The following CACNA1S variants were observed in gnomAD, a reference collection of about 807,000 sequenced individuals.
CACNA1S encodes voltage-dependent L-type calcium channel subunit alpha-1S.
A neutral mutation model predicts 207.4 loss-of-function variants in CACNA1S; 126 were observed. The ratio of observed to expected loss-of-function variants is 0.61; its 90% CI spans 0.53 to 0.70. CACNA1S has a LOEUF of 0.70. Among genes scored for constraint, CACNA1S ranks in the 30% least tolerant of loss-of-function variants. CACNA1S has a pLI of 0.00. For synonymous variants in CACNA1S, 960 were observed against 932.7 expected (o/e 1.03, Z -0.53); for missense variants, 2,349 against 2,422.8 (o/e 0.97, Z 0.64).
At chr1:201,084,421 G>A (rs376996126) in intron 9 of CACNA1S, among the ~76,000 whole-genome samples, 3 of 152,164 alleles carry the variant, frequency 2.0e-5, no homozygotes, top group African/African-American at 7.2e-5. Context: ...TTGATGTATA[G>A]CTCTATTGTT....
rs1445858175 is a variant in CACNA1S, at chr1:201,050,526, A to C, written c.4114-10T>G. 6.8e-6 allele frequency: 11 copies of C among 1,613,794 alleles called. No homozygotes were observed. The highest frequency in any genetic ancestry group is 1.3e-5 in the African/African-American group (1 of 74,890). On this transcript the variant is annotated splice_polypyrimidine_tract_variant and intron_variant, in intron 33 of 43. Coordinates refer to ENST00000362061, the MANE Select transcript of CACNA1S (RefSeq NM_000069.3). ...CAAAGAGGTTGATGACCTGCAAGAG[A>C]AGAACCAAGGGGTCCCAACACAGAA...
chr1:201,077,412 G>C (rs1661669595), intron 11 of CACNA1S, among the ~76,000 whole-genome samples: 1 of 152,214 alleles, frequency 6.6e-6, no homozygotes, highest in African/African-American at 2.4e-5. Context: ...TTTCTCCTGT[G>C]CACCCTCGAT....
At chr1:201,042,360 A>C (rs1660279634) in intron 40 of CACNA1S, among the ~76,000 whole-genome samples, 1 of 151,642 alleles carries the variant, frequency 6.6e-6, no homozygotes, top group Non-Finnish European at 1.5e-5. Flanking sequence ...CAGGTCTCGA[A>C]CTCCTGACCT....
At chr1:201,089,775 C>A (rs952848128) in intron 5 of CACNA1S, among the ~76,000 whole-genome samples, 2 of 152,226 alleles carry the variant, frequency 1.3e-5, no homozygotes, top group African/African-American at 4.8e-5. Context: ...TTTGTCCCCA[C>A]AGAACTTTAA....
At chr1:201,077,674 A>G (rs1404908069) in intron 11 of CACNA1S, among the ~76,000 whole-genome samples, 2 of 152,230 alleles carry the variant, frequency 1.3e-5, no homozygotes, top group Non-Finnish European at 2.9e-5. Flanking sequence ...ATGGTAAGAA[A>G]AAAAACAGAG....
rs1553248947 is a variant in CACNA1S at position 201,051,058 on chromosome 1, CT to C, written c.4038del (p.Glu1348ArgfsTer76). The C allele has an allele frequency of 1.2e-6, 2 of 1,614,192 alleles. No homozygotes were observed. The highest frequency in any genetic ancestry group is 1.7e-5 in the Admixed American group (1 of 60,034). ...KLCDPESDYAPGEEYTCGTNF... is the reference protein window; with the variant it reads ...KLCDPESDYAXGEEYTCGTNF... ...TTGGTGCCACATGTGTACTCCTCCC[CT>C]GGGGCATAGTCCGACTCTGGGTCAC... On this transcript the variant is annotated frameshift_variant, in exon 33 of 44. Coordinates refer to ENST00000362061, the MANE Select transcript of CACNA1S (RefSeq NM_000069.3). LOFTEE classifies it high-confidence loss of function.
intron 2 of CACNA1S, among the ~76,000 whole-genome samples, chr1:201,095,420 A>G (rs908900840): frequency 3.9e-5 from 6 of 152,084 alleles, no homozygotes; most frequent in African/African-American, 1.4e-4. Context: ...TGGGCACTCC[A>G]TTAATGATAT....
chr1:201,059,966 C>T (rs1303708209), intron 26 of CACNA1S, among the ~76,000 whole-genome samples: 7 of 152,228 alleles, frequency 4.6e-5, no homozygotes, highest in South Asian at 2.1e-4. Flanking sequence ...ATGGCTGCCT[C>T]CACCCTGCCC....
At chr1:201,073,127 G>A (rs181612950) in intron 15 of CACNA1S, among the ~76,000 whole-genome samples, 6 of 152,290 alleles carry the variant, frequency 3.9e-5, no homozygotes, top group East Asian at 1.9e-4. Flanking sequence ...CCAGGACCTC[G>A]AGCCTCTCTG....
chr1:201,072,071 A>AAGGACCC lies in CACNA1S; in HGVS notation c.2227+677_2227+683dup, dbSNP rs1182423847. On this transcript the variant is annotated intron_variant, in intron 16 of 43. Coordinates refer to ENST00000362061, the MANE Select transcript of CACNA1S (RefSeq NM_000069.3). ...ATTGCCCCACTGACCCGGTGATCCG[A>AAGGACCC]AGGACCCAGGACCCAGAGAGTTCTT... is the stretch of plus-strand genomic sequence containing the variant. 2.6e-5 allele frequency among the ~76,000 whole-genome samples: 4 copies of AAGGACCC among 152,282 alleles called. No homozygotes were observed. In the South Asian group the frequency reaches 6.2e-4, roughly 24 times the overall value.
chr1:201,083,345 G>T lies in CACNA1S; in HGVS notation c.1233-23C>A, dbSNP rs1002988004. On this transcript the variant is annotated intron_variant, in intron 9 of 43. Transcript: ENST00000362061. The stretch of plus-strand genomic sequence containing the variant: ...CGGCTGAGGGAGGGGACAGAGGATG[G>T]TCTACAGTGCTGTGCTGTTCTACGC... The T allele has an allele frequency of 3.1e-6, 5 of 1,613,676 alleles. No homozygotes were observed. The South Asian group carries it at 5.5e-5, about 18-fold the overall frequency.
At chr1:201,091,279 C>T (rs1662218021) in intron 5 of CACNA1S, among the ~76,000 whole-genome samples, 1 of 152,182 alleles carries the variant, frequency 6.6e-6, no homozygotes, top group African/African-American at 2.4e-5. Flanking sequence ...TCAGCTCAGA[C>T]TAAAGCTAAA....
intron 8 of CACNA1S, among the ~76,000 whole-genome samples, 200 bp from the exon 9 acceptor site, chr1:201,085,231 G>T (rs899783476): frequency 6.6e-6 from 1 of 152,194 alleles, no homozygotes; most frequent in Non-Finnish European, 1.5e-5. Flanking sequence ...CAGGGGAGGC[G>T]CTATGAGGAT....
At chr1:201,095,956 G>C (rs1662410771) in intron 2 of CACNA1S, among the ~76,000 whole-genome samples, 1 of 152,354 alleles carries the variant, frequency 6.6e-6, no homozygotes, top group Admixed American at 6.5e-5. Context: ...AAGTGTAAGG[G>C]AGGAGAGTGA....
intron 38 of CACNA1S, among the ~76,000 whole-genome samples, chr1:201,045,550 CA>C (rs1300929992): frequency 6.6e-6 from 1 of 151,928 alleles, no homozygotes; most frequent in Non-Finnish European, 1.5e-5. Context: ...GTCTGGCCAG[CA>C]TAGCGAAACC....
chr1:201,066,231 T>C lies in CACNA1S; in HGVS notation c.2743A>G (p.Lys915Glu). 6.2e-7 allele frequency: 1 copy of C among 1,613,812 alleles called. No homozygotes were observed. The highest frequency in any genetic ancestry group is 1.7e-5 in the Admixed American group (1 of 60,016). The change falls in exon 21 of 44, where the codon AAG (lysine) becomes GAG (glutamate). Residue 915 changes from lysine (K) to glutamate (E), a missense_variant and splice_region_variant. Physicochemically the swap from Lys to Glu is moderately conservative, Grantham distance 56. Transcript: ENST00000362061. This position sits in a 1 kb window ranked among gnomAD's most constrained non-coding sequence, Gnocchi z 4.3. ...LRAINRAKGL[K>E]HVVQCMFVAI... is the part of the protein sequence containing the mutation. Reference sequence around the variant, plus strand: ...CTCCTGCCCGGGCCCTCTCTCACCTTCAACCCCTTGGCTCTGTTGATGGCT... The same window carrying C: ...CTCCTGCCCGGGCCCTCTCTCACCTCCAACCCCTTGGCTCTGTTGATGGCT...
chr1:201,081,485 A>C (rs1661838189), intron 10 of CACNA1S, among the ~76,000 whole-genome samples: 1 of 152,236 alleles, frequency 6.6e-6, no homozygotes, highest in African/African-American at 2.4e-5. Flanking sequence ...AACATCTACC[A>C]TGTGGACGAG....
chr1:201,074,356 A>T, intron 14 of CACNA1S, 150 bp downstream of exon 14: 1 of 691,748 alleles, frequency 1.4e-6, no homozygotes, highest in Non-Finnish European at 2.7e-6. Context: ...AGCCACCCCC[A>T]TGTGCAGGTT....
chr1:201,060,797 G>A lies in CACNA1S; in HGVS notation c.3275C>T (p.Ala1092Val), dbSNP rs1167763807. ...GCACCTCAGTGGGCGGGCCTTCAGG[G>A]CATACTGTACACATTGGCGCTGTGA... Reference protein sequence around the residue: ...DKNQRQCVQYALKARPLRCYI... With the variant: ...DKNQRQCVQYVLKARPLRCYI... The change falls in exon 26 of 44, where the codon GCC (alanine) becomes GTC (valine). Residue 1092 changes from alanine to valine, a missense_variant. Coordinates refer to ENST00000362061, the MANE Select transcript of CACNA1S (RefSeq NM_000069.3). The A allele has an allele frequency of 6.2e-7, 1 of 1,614,194 alleles. No individual in the cohort carries two copies.
Sources: allele counts gnomAD v4.1 joint callset (sites outside exome capture counted in the v4.1 genomes callset), GRCh38; gene constraint gnomAD v4.1.1; non-coding constraint Gnocchi (gnomAD v3.1); transcripts MANE v1.5; gene names NCBI Gene and HGNC (gene_info 2026-07-23, HGNC 2026-07-21).